The following PDS5B variants were observed in gnomAD, a reference collection of about 807,000 sequenced individuals.
PDS5B encodes the protein PDS5 cohesin associated factor B.
Under a neutral mutation model 184.1 loss-of-function variants are expected in PDS5B, and 51 were observed. The observed-to-expected ratio is 0.28, with a 90% CI of 0.22 to 0.35. The LOEUF is 0.35. PDS5B is among the 10% of genes least tolerant of loss of function. The probability of loss-of-function intolerance (pLI) is 1.00; values close to 1 mark genes in which losing one functional copy is unlikely to be tolerated. For synonymous variants in PDS5B, 566 were observed against 569.2 expected (o/e 0.99, Z 0.08); for missense variants, 1,180 against 1,723.3 (o/e 0.68, Z 5.58).
chr13:32,769,009 A>G (rs987648004), intron 31 of PDS5B, among the ~76,000 whole-genome samples: 1 of 149,304 alleles, frequency 6.7e-6, no homozygotes, highest in African/African-American at 2.5e-5. Flanking sequence ...AGTCCCAGCT[A>G]CTCGGGAGAA....
chr13:32,671,309 AT>A (rs1237596362), intron 7 of PDS5B, among the ~76,000 whole-genome samples: 1 of 151,996 alleles, frequency 6.6e-6, no homozygotes, highest in Non-Finnish European at 1.5e-5. Flanking sequence ...CCAGGGAATG[AT>A]TTTTTTCCCT....
chr13:32,758,338 G>T, intron 27 of PDS5B, 119 bp downstream of exon 27: 1 of 954,582 alleles, frequency 1.0e-6, no homozygotes, highest in Non-Finnish European at 1.5e-6. Flanking sequence ...TTAGTAATTA[G>T]AATTACGTAG....
chr13:32,765,674 G>A (rs936420773), intron 31 of PDS5B, among the ~76,000 whole-genome samples: 3 of 152,208 alleles, frequency 2.0e-5, no homozygotes, highest in South Asian at 2.1e-4. Flanking sequence ...CACGATCTGG[G>A]CTCACTGCAA....
At chr13:32,683,315 A>ATTTTTT (rs529817272) in intron 10 of PDS5B, among the ~76,000 whole-genome samples, 3 of 119,914 alleles carry the variant, frequency 2.5e-5, no homozygotes, top group Non-Finnish European at 5.3e-5. Flanking sequence ...GGCCTTTAAA[A>ATTTTTT]TTTTTTTTTT....
At chr13:32,742,806 C>A in intron 23 of PDS5B, 79 bp downstream of exon 23, 2 of 1,254,290 alleles carry the variant, frequency 1.6e-6, no homozygotes. Context: ...GGTGCTGTTT[C>A]TTTTTCTTTT....
intron 19 of PDS5B, among the ~76,000 whole-genome samples, chr13:32,727,869 A>C (rs514677): frequency 6.7e-6 from 1 of 148,608 alleles, no homozygotes; most frequent in Non-Finnish European, 1.5e-5. Context: ...TTTTTTTTTT[A>C]ATCTATTCTC....
intron 19 of PDS5B, among the ~76,000 whole-genome samples, chr13:32,723,526 A>G (rs1172862317): frequency 7.0e-6 from 1 of 142,614 alleles, no homozygotes; most frequent in Non-Finnish European, 1.5e-5. Flanking sequence ...TTGACTTAGT[A>G]CTGCAGAATT....
chr13:32,757,675 A>G (rs1189666966), intron 26 of PDS5B, among the ~76,000 whole-genome samples: 1 of 152,214 alleles, frequency 6.6e-6, no homozygotes, highest in Non-Finnish European at 1.5e-5. Flanking sequence ...AGGCAGTTAT[A>G]TTCTCTTGAA....
At chr13:32,760,109 C>T (rs1234358458) in intron 29 of PDS5B, among the ~76,000 whole-genome samples, 1 of 152,100 alleles carries the variant, frequency 6.6e-6, no homozygotes, top group African/African-American at 2.4e-5. Flanking sequence ...GTGCCTGCCA[C>T]CACGCCTGGC....
intron 3 of PDS5B, among the ~76,000 whole-genome samples, chr13:32,653,434 C>G (rs1242778290): frequency 6.6e-6 from 1 of 152,056 alleles, no homozygotes; most frequent in Non-Finnish European, 1.5e-5. Flanking sequence ...GTGTCAGGAA[C>G]TGGATTTACA....
At chr13:32,616,823 A>G (rs1281180477) in intron 1 of PDS5B, among the ~76,000 whole-genome samples, 1 of 152,218 alleles carries the variant, frequency 6.6e-6, no homozygotes, top group African/African-American at 2.4e-5. Context: ...CAGTTGTCCT[A>G]GTGGAAATGC....
At position 32,667,752 on chromosome 13, in the gene PDS5B, T is replaced by C; in HGVS notation, c.625-12T>C. 2 of 1,537,132 alleles carry C rather than the reference T, an allele frequency of 1.3e-6. No homozygotes were observed. Among genetic ancestry groups the C allele is most frequent in the Non-Finnish European group, 1.8e-6 (2 of 1,124,982 alleles). On this transcript the variant is annotated splice_polypyrimidine_tract_variant and intron_variant, in intron 6 of 34. Coordinates refer to ENST00000315596, the MANE Select transcript of PDS5B (RefSeq NM_015032.4). ...AGAGATATATAATATAGATATTGTT[T>C]ATGTTTTTCAGAATTTAAACAAGCA...
intron 8 of PDS5B, among the ~76,000 whole-genome samples, chr13:32,675,642 G>T (rs1292965089): frequency 6.6e-6 from 1 of 152,180 alleles, no homozygotes; most frequent in African/African-American, 2.4e-5. Context: ...TTCTTTAATG[G>T]AATTTGAGAT....
intron 30 of PDS5B, among the ~76,000 whole-genome samples, chr13:32,762,902 T>C (rs539495322): frequency 6.6e-6 from 1 of 152,302 alleles, no homozygotes; most frequent in African/African-American, 2.4e-5. Context: ...GAGATCTTAA[T>C]TGGCTTCCCT....
At chr13:32,590,959 A>G (rs1046652190) in intron 1 of PDS5B, among the ~76,000 whole-genome samples, 4 of 150,758 alleles carry the variant, frequency 2.7e-5, no homozygotes, top group South Asian at 4.2e-4. Flanking sequence ...ATACAGGTAT[A>G]TGGTAAAAAA....
chr13:32,716,603 C>A (rs1416641688), intron 19 of PDS5B, among the ~76,000 whole-genome samples: 1 of 150,632 alleles, frequency 6.6e-6, no homozygotes, highest in African/African-American at 2.4e-5. Context: ...GCCGCCCCAT[C>A]CGGGAGGGAG....
chr13:32,719,374 G>T (rs1386551673), intron 19 of PDS5B, among the ~76,000 whole-genome samples: 1 of 152,058 alleles, frequency 6.6e-6, no homozygotes, highest in Non-Finnish European at 1.5e-5. Flanking sequence ...GTAGAGACAG[G>T]GTTTTGCCAT....
intron 21 of PDS5B, among the ~76,000 whole-genome samples, chr13:32,737,905 T>C (rs541410701): frequency 1.3e-5 from 2 of 152,290 alleles, no homozygotes; most frequent in African/African-American, 4.8e-5. Flanking sequence ...GGTTAATCTG[T>C]AACAGCAACA....
At chr13:32,742,512 T>G in intron 22 of PDS5B, 79 bp from the exon 23 acceptor site, 1 of 1,227,972 alleles carries the variant, frequency 8.1e-7, no homozygotes, top group South Asian at 1.4e-5. Flanking sequence ...TTAAATACAT[T>G]TTATTTTTAA....
Sources: gnomAD v4.1 joint callset for allele counts (sites outside exome capture counted in the v4.1 genomes callset) on GRCh38, gnomAD v4.1.1 for gene constraint, MANE v1.5 for transcripts, NCBI Gene and HGNC (gene_info 2026-07-23, HGNC 2026-07-21) for gene names.